The following CAMK1G variants were observed in gnomAD, a reference collection of about 807,000 sequenced individuals.
The protein encoded by CAMK1G is calcium/calmodulin-dependent protein kinase type 1G.
Under a neutral mutation model 54.8 loss-of-function variants are expected in CAMK1G, and 27 were observed. The ratio of observed to expected loss-of-function variants is 0.49; its 90% CI spans 0.36 to 0.68. The LOEUF (loss-of-function observed/expected upper bound fraction) is 0.68. CAMK1G is among the 30% of genes least tolerant of loss of function. The pLI, the probability that CAMK1G is intolerant of heterozygous loss-of-function variation, is 0.00. For missense variants in CAMK1G, 512 were observed against 591.0 expected (o/e 0.87, Z 1.39); for synonymous variants, 238 against 224.9 (o/e 1.06, Z -0.52).
chr1:209,604,031 C>T (rs1665588585), intron 4 of CAMK1G, among the ~76,000 whole-genome samples: 1 of 152,252 alleles, frequency 6.6e-6, no homozygotes, highest in Admixed American at 6.5e-5. Context: ...AAAGTACACA[C>T]ACACACACAA....
chr1:209,605,114 C>T (rs372482519), intron 4 of CAMK1G, among the ~76,000 whole-genome samples: 2 of 152,108 alleles, frequency 1.3e-5, no homozygotes, highest in African/African-American at 2.4e-5. Flanking sequence ...GATATAAGTA[C>T]GGTTAGTCTC....
intron 1 of CAMK1G, among the ~76,000 whole-genome samples, chr1:209,588,079 T>C (rs1323887092): frequency 2.0e-5 from 3 of 152,236 alleles, no homozygotes; most frequent in Non-Finnish European, 4.4e-5. Flanking sequence ...CAGAAGGCTC[T>C]GAGCCTGCTC....
chr1:209,593,706 A>G (rs1665312232), intron 1 of CAMK1G, among the ~76,000 whole-genome samples: 1 of 100,996 alleles, frequency 9.9e-6, no homozygotes, highest in African/African-American at 2.9e-5. Context: ...CAGGTTCATC[A>G]TTCTCTCCTT....
chr1:209,603,601 C>T (rs1665578696), intron 4 of CAMK1G, among the ~76,000 whole-genome samples: 1 of 152,166 alleles, frequency 6.6e-6, no homozygotes, highest in Non-Finnish European at 1.5e-5. Context: ...TGTCCTTCTG[C>T]TGCCCCACCC....
At chr1:209,585,388 T>C (rs1665070516) in intron 1 of CAMK1G, among the ~76,000 whole-genome samples, 1 of 152,178 alleles carries the variant, frequency 6.6e-6, no homozygotes, top group Admixed American at 6.5e-5. Flanking sequence ...AGGATGAAGG[T>C]GGAGATGAGT....
At chr1:209,603,137 CT>C (rs1344692188) in intron 3 of CAMK1G, 76 bp from the exon 4 acceptor site, 5 of 1,446,350 alleles carry the variant, frequency 3.5e-6, no homozygotes, top group Non-Finnish European at 4.8e-6. Context: ...CCAACAGAAA[CT>C]TTTGGGCTAG....
intron 6 of CAMK1G, 56 bp from the exon 7 acceptor site, chr1:209,607,802 C>T: frequency 2.0e-6 from 3 of 1,489,982 alleles, no homozygotes; most frequent in East Asian, 4.5e-5. Flanking sequence ...TCAGCTCCCA[C>T]CCCAAAGCCC....
intron 9 of CAMK1G, 59 bp downstream of exon 9, chr1:209,609,988 G>T (rs1389072879): frequency 2.2e-6 from 3 of 1,340,176 alleles, no homozygotes; most frequent in Non-Finnish European, 3.2e-6. Context: ...AAACCATGCT[G>T]ACTCATTCAT....
chr1:209,599,383 C>T (rs1665471382), intron 2 of CAMK1G, among the ~76,000 whole-genome samples: 1 of 152,168 alleles, frequency 6.6e-6, no homozygotes, highest in Non-Finnish European at 1.5e-5. Context: ...TTTCCAAATG[C>T]CCCCTGCCCA....
At chr1:209,591,900 C>T (rs1665259989) in intron 1 of CAMK1G, among the ~76,000 whole-genome samples, 1 of 152,268 alleles carries the variant, frequency 6.6e-6, no homozygotes, top group East Asian at 1.9e-4. Flanking sequence ...TCTCACCAAC[C>T]CCAGCCAGCT....
chr1:209,594,110 T>G (rs766204357), intron 1 of CAMK1G, among the ~76,000 whole-genome samples: 3 of 152,166 alleles, frequency 2.0e-5, no homozygotes, highest in Admixed American at 6.5e-5. Context: ...GGTCTCAGCT[T>G]AAATATGACC....
intron 1 of CAMK1G, among the ~76,000 whole-genome samples, chr1:209,585,085 T>C (rs549021690): frequency 1.3e-5 from 2 of 152,342 alleles, no homozygotes; most frequent in East Asian, 1.9e-4. Flanking sequence ...CCCAGATCTA[T>C]TGATAAATTC....
At chr1:209,607,569 T>C (rs759790018) in intron 6 of CAMK1G, among the ~76,000 whole-genome samples, 3 of 152,132 alleles carry the variant, frequency 2.0e-5, no homozygotes, top group Non-Finnish European at 4.4e-5. Flanking sequence ...GAATACTCAG[T>C]GTAATCAGGG....
At chr1:209,590,321 A>G (rs1206834768) in intron 1 of CAMK1G, among the ~76,000 whole-genome samples, 3 of 152,122 alleles carry the variant, frequency 2.0e-5, no homozygotes, top group Non-Finnish European at 4.4e-5. Context: ...CACACAGGGC[A>G]TGGGAGTCTT....
At chr1:209,600,658 C>T (rs981509840) in intron 3 of CAMK1G, among the ~76,000 whole-genome samples, 1 of 152,340 alleles carries the variant, frequency 6.6e-6, no homozygotes, top group African/African-American at 2.4e-5. Context: ...CCTCAGGAGC[C>T]TATGCTGGAT....
intron 1 of CAMK1G, among the ~76,000 whole-genome samples, chr1:209,584,107 C>G (rs1665032911): frequency 6.6e-6 from 1 of 152,176 alleles, no homozygotes; most frequent in Non-Finnish European, 1.5e-5. Flanking sequence ...GGACAAGGCT[C>G]TGTGCCTAGA....
At chr1:209,608,425 C>A (rs537615076) in intron 7 of CAMK1G, among the ~76,000 whole-genome samples, 1 of 152,164 alleles carries the variant, frequency 6.6e-6, no homozygotes, top group Non-Finnish European at 1.5e-5. Flanking sequence ...TCCTAACCTG[C>A]CCATCACCTC....
intron 2 of CAMK1G, among the ~76,000 whole-genome samples, chr1:209,597,304 G>A (rs1043919660): frequency 6.6e-6 from 1 of 152,166 alleles, no homozygotes; most frequent in African/African-American, 2.4e-5. Context: ...CCCAATAATA[G>A]CAGGGGCCCT....
At chr1:209,609,473 G>A (rs377536697) in intron 8 of CAMK1G, among the ~76,000 whole-genome samples, 2 of 152,300 alleles carry the variant, frequency 1.3e-5, no homozygotes, top group East Asian at 1.9e-4. Context: ...TGATCATTAC[G>A]TGATTGTTGG....
Sources: allele counts gnomAD v4.1 joint callset (sites outside exome capture counted in the v4.1 genomes callset), GRCh38; gene constraint gnomAD v4.1.1; transcripts MANE v1.5; gene names NCBI Gene and HGNC (gene_info 2026-07-23, HGNC 2026-07-21).